FOXK1: variants seen among roughly 807,000 people sequenced by gnomAD.
FOXK1 encodes the protein forkhead box K1, also known as forkhead box protein K1.
In FOXK1, 19 loss-of-function variants were observed where a neutral mutation model predicts 51.9. The observed-to-expected ratio is 0.37, with a 90% CI of 0.26 to 0.54. The LOEUF is 0.54. Among genes scored for constraint, FOXK1 ranks in the 20% least tolerant of loss-of-function variants. The probability of loss-of-function intolerance (pLI) is 0.87; values close to 1 mark genes in which losing one functional copy is unlikely to be tolerated. For missense variants in FOXK1, 870 were observed against 1,032.7 expected, an observed-to-expected ratio of 0.84 and a Z score of 2.16; for synonymous variants, 537 against 482.6, an observed-to-expected ratio of 1.11 and a Z score of -1.48.
chr7:4,720,781 C>T (rs1173606153), intron 1 of FOXK1, among the ~76,000 whole-genome samples: 5 of 151,374 alleles, frequency 3.3e-5, no homozygotes, highest in East Asian at 1.9e-4. Flanking sequence ...TGCAGTGGCG[C>T]GATCTTGGCT....
rs1176617190 is a variant in FOXK1, at chr7:4,762,455, C to G, written c.2193C>G (p.Thr731=). The G allele has an allele frequency of 6.5e-7, 1 of 1,542,478 alleles. No homozygotes were observed. Among genetic ancestry groups the G allele is most frequent in the Admixed American group, 2.0e-5 (1 of 50,942 alleles). Residue 731 remains threonine (T), a synonymous_variant, in exon 9 of 9, where the codon ACC becomes ACG. Transcript: ENST00000328914. This position sits in a 1 kb window ranked among gnomAD's most constrained non-coding sequence, Gnocchi z 5.7. ...CTGCCGGCCCCCAGGGGCCAGGCACCGGGGAGTGAGGTCACCTGCAACGCG... is the reference window on the plus strand; with the variant it reads ...CTGCCGGCCCCCAGGGGCCAGGCACGGGGGAGTGAGGTCACCTGCAACGCG... ...IAAAGPQGPG[T]GE
At chr7:4,697,332 G>C (rs1779966069) in intron 1 of FOXK1, among the ~76,000 whole-genome samples, 1 of 152,242 alleles carries the variant, frequency 6.6e-6, no homozygotes, top group Non-Finnish European at 1.5e-5. Context: ...CTGCTGAACA[G>C]CTAGCCGGTA....
At position 4,707,853 on chromosome 7, in the gene FOXK1, T is replaced by G. The variant is rs1158445516; in HGVS notation, c.560+24985T>G. Among the ~76,000 whole-genome samples, 2 of 151,938 alleles carry G rather than the reference T, an allele frequency of 1.3e-5. No individual in the cohort carries two copies. Among genetic ancestry groups the G allele is most frequent in the African/African-American group, 2.4e-5 (1 of 41,348 alleles). On this transcript the variant is annotated intron_variant, in intron 1 of 8. Coordinates refer to ENST00000328914, the MANE Select transcript of FOXK1 (RefSeq NM_001037165.2). The surrounding 1 kb of genome is among the most constrained non-coding windows in gnomAD (Gnocchi z 4.1). ...GGCCCGCCACCGTGTCCGGCTAATTTTTGTATTTTTAGTAGAGATGGGGTT... is the reference window on the plus strand; with the variant it reads ...GGCCCGCCACCGTGTCCGGCTAATTGTTGTATTTTTAGTAGAGATGGGGTT...
At chr7:4,690,551 C>T (rs1174775549) in intron 1 of FOXK1, among the ~76,000 whole-genome samples, 1 of 152,186 alleles carries the variant, frequency 6.6e-6, no homozygotes, top group Non-Finnish European at 1.5e-5. Context: ...GGGCTTGCCG[C>T]CCATTTAAGA....
rs1459868810 is a variant in FOXK1 at position 4,723,823 on chromosome 7, A to G, written c.561-17015A>G. On this transcript the variant is annotated intron_variant, in intron 1 of 8. Transcript: ENST00000328914. The surrounding 1 kb of genome is among the most constrained non-coding windows in gnomAD (Gnocchi z 4.7). ...GCTGAGACTACCAGTGTGCACCACC[A>G]CACCTGGCTGACTTCTTTGTATTTT... is the stretch of plus-strand genomic sequence containing the variant. Among the ~76,000 whole-genome samples, 2 of 152,026 alleles carry G rather than the reference A, an allele frequency of 1.3e-5. No individual in the cohort carries two copies. Among genetic ancestry groups the G allele is most frequent in the Non-Finnish European group, 2.9e-5 (2 of 68,022 alleles).
rs149886284 is a variant in FOXK1, at chr7:4,734,748, C to T, written c.561-6090C>T. Among the ~76,000 whole-genome samples, 7 of 152,270 alleles carry T rather than the reference C, an allele frequency of 4.6e-5. No homozygotes were observed. The highest frequency in any genetic ancestry group is 1.7e-4 in the African/African-American group (7 of 41,568). ...CTGGTCCTCCTGCAGAATTTCAGGTCGCAAGGCTATTTTTGGCGTGAGATG... is the reference window on the plus strand; with the variant it reads ...CTGGTCCTCCTGCAGAATTTCAGGTTGCAAGGCTATTTTTGGCGTGAGATG... On this transcript the variant is annotated intron_variant, in intron 1 of 8. Coordinates refer to ENST00000328914, the MANE Select transcript of FOXK1 (RefSeq NM_001037165.2). This position sits in a 1 kb window ranked among gnomAD's most constrained non-coding sequence, Gnocchi z 5.2.
chr7:4,700,711 G>C (rs1780010473), intron 1 of FOXK1, among the ~76,000 whole-genome samples: 1 of 152,086 alleles, frequency 6.6e-6, no homozygotes, highest in African/African-American at 2.4e-5. Flanking sequence ...AGCTACTCGG[G>C]AGGCTGAGGG....
chr7:4,714,095 G>A (rs991535500), intron 1 of FOXK1, among the ~76,000 whole-genome samples: 1 of 152,116 alleles, frequency 6.6e-6, no homozygotes, highest in Non-Finnish European at 1.5e-5. Context: ...CAGAGTGCTG[G>A]GATTACAGAT....
At chr7:4,752,189 C>T (rs115527580) in intron 2 of FOXK1, among the ~76,000 whole-genome samples, 1,936 of 152,262 alleles carry the variant, frequency 0.013, 44 homozygotes, top group African/African-American at 0.044. Flanking sequence ...GGTCTTGCTC[C>T]GCCAGAGTGC....
At position 4,755,957 on chromosome 7, in the gene FOXK1, A is replaced by G. The variant is rs2115072176; in HGVS notation, c.1050+574A>G. Reference sequence around the variant, plus strand: ...GCCTCACAATCCCACGTTAAGTTGGAAAAATGTACCATATACTGTTATTCA... The same window carrying G: ...GCCTCACAATCCCACGTTAAGTTGGGAAAATGTACCATATACTGTTATTCA... On this transcript the variant is annotated intron_variant, in intron 4 of 8. Transcript: ENST00000328914. The surrounding 1 kb of genome is among the most constrained non-coding windows in gnomAD (Gnocchi z 6.6). Among the ~76,000 whole-genome samples, 1 of 152,332 alleles carries G rather than the reference A, an allele frequency of 6.6e-6. No homozygotes were observed. The highest frequency in any genetic ancestry group is 2.1e-4 in the South Asian group (1 of 4,830).
intron 1 of FOXK1, among the ~76,000 whole-genome samples, chr7:4,689,178 G>A (rs545945254): frequency 1.3e-5 from 2 of 152,040 alleles, no homozygotes; most frequent in South Asian, 2.1e-4. Flanking sequence ...GGGTTTCGCC[G>A]TGTTGCCCAG....
chr7:4,682,981 C>A lies in FOXK1; in HGVS notation c.560+113C>A. Reference sequence around the variant, plus strand: ...AGCTTCCTCGGCCTCGACCCCCACCCCCCGGCCCACCCCCGGTAACCCCCG... The same window carrying A: ...AGCTTCCTCGGCCTCGACCCCCACCACCCGGCCCACCCCCGGTAACCCCCG... On this transcript the variant is annotated intron_variant, in intron 1 of 8. Transcript: ENST00000328914. This position sits in a 1 kb window ranked among gnomAD's most constrained non-coding sequence, Gnocchi z 7.6. The A allele has an allele frequency of 9.2e-7, 1 of 1,086,992 alleles. No individual in the cohort carries two copies. The highest frequency in any genetic ancestry group is 1.2e-6 in the Non-Finnish European group (1 of 804,266). 67.3% of individuals were successfully genotyped at this position (1,086,992 alleles called of 1,614,324 possible).
chr7:4,695,951 A>G (rs1779946009), intron 1 of FOXK1, among the ~76,000 whole-genome samples: 2 of 151,356 alleles, frequency 1.3e-5, no homozygotes, highest in African/African-American at 4.9e-5. Flanking sequence ...AAAAAAAAAA[A>G]AAATTCCCAC....
chr7:4,745,050 G>C lies in FOXK1; in HGVS notation c.746+4027G>C, dbSNP rs749389614. On this transcript the variant is annotated intron_variant, in intron 2 of 8. Transcript: ENST00000328914. The surrounding 1 kb of genome is among the most constrained non-coding windows in gnomAD (Gnocchi z 4.3). ...GTTTCTGCTGTAGGGTGGAGCCGGC[G>C]TGTTTACAAACACTCCCTGCCCTTC... 4.6e-5 allele frequency among the ~76,000 whole-genome samples: 7 copies of C among 152,210 alleles called. No individual in the cohort carries two copies. The highest frequency in any genetic ancestry group is 8.8e-5 in the Non-Finnish European group (6 of 68,032).
chr7:4,756,201 G>A lies in FOXK1; in HGVS notation c.1051-793G>A, dbSNP rs113000842. ...GCGATCTCAGCTCACTGCAACCTTC[G>A]CCTCCCAGGTTCAAGCGATTCTTCT... On this transcript the variant is annotated intron_variant, in intron 4 of 8. Coordinates refer to ENST00000328914, the MANE Select transcript of FOXK1 (RefSeq NM_001037165.2). This position sits in a 1 kb window ranked among gnomAD's most constrained non-coding sequence, Gnocchi z 4.1. Among the ~76,000 whole-genome samples the A allele has an allele frequency of 1.4e-3, 220 of 152,150 alleles. No individual in the cohort carries two copies. Among genetic ancestry groups the A allele is most frequent in the African/African-American group, 4.8e-3 (201 of 41,532 alleles).
intron 1 of FOXK1, among the ~76,000 whole-genome samples, chr7:4,732,276 A>T (rs997255697): frequency 4.6e-5 from 7 of 152,168 alleles, no homozygotes; most frequent in Non-Finnish European, 1.0e-4. Context: ...GATGAGGGAA[A>T]CCAGGCCAGT....
rs56204828 is a variant in FOXK1 at position 4,770,864 on chromosome 7, G to GGTGTGTGTGTGTGT, written c.*8425_*8438dup. ...AATTTGGGAGGGGCGGGTGTTGTTC[G>GGTGTGTGTGTGTGT]GTGTGTGTGTGTGTGTGTGTGTGTG... On this transcript the variant is annotated 3_prime_UTR_variant, in exon 9 of 9. Transcript: ENST00000328914. 17 of 140,368 alleles carry GGTGTGTGTGTGTGT rather than the reference G, an allele frequency of 1.2e-4. No homozygotes were observed. The highest frequency in any genetic ancestry group is 4.3e-4 in the African/African-American group (16 of 37,326). The allele number at this position is 140,368 out of a possible 1,614,324, so 8.7% of individuals were successfully genotyped here. A position where few individuals can be genotyped will look rare whatever the true frequency, so the allele number is the denominator to read the frequency against.
intron 1 of FOXK1, among the ~76,000 whole-genome samples, chr7:4,700,596 G>A (rs544452294): frequency 1.2e-4 from 18 of 152,072 alleles, no homozygotes; most frequent in Admixed American, 7.9e-4. Context: ...TGGGAGGATC[G>A]CTTGAAGCCA....
rs1218184115 is a variant in FOXK1, at chr7:4,705,964, A to ATATATATACG, written c.560+23148_560+23157dup. Among the ~76,000 whole-genome samples, 225 of 112,940 alleles carry ATATATATACG rather than the reference A, an allele frequency of 2.0e-3. 3 individuals carry two copies. Among genetic ancestry groups the ATATATATACG allele is most frequent in the African/African-American group, 3.2e-3 (80 of 24,980 alleles). 74.1% of individuals were successfully genotyped at this position (112,940 alleles called of 152,430 possible). A position where few individuals can be genotyped will look rare whatever the true frequency, so the allele number is the denominator to read the frequency against. ...TTCAAAATTATATATATATATGTAT[A>ATATATATACG]TATATATACGTATATATACGTATAT... On this transcript the variant is annotated intron_variant, in intron 1 of 8. Transcript: ENST00000328914.
Sources: allele counts gnomAD v4.1 joint callset (sites outside exome capture counted in the v4.1 genomes callset), GRCh38; gene constraint gnomAD v4.1.1; non-coding constraint Gnocchi (gnomAD v3.1); transcripts MANE v1.5; gene names NCBI Gene and HGNC (gene_info 2026-07-23, HGNC 2026-07-21).